MRTFB: variants seen among roughly 807,000 people sequenced by gnomAD.
MRTFB encodes myocardin related transcription factor B.
In MRTFB, 29 loss-of-function variants were observed where a neutral mutation model predicts 104.2. The ratio of observed to expected loss-of-function variants is 0.28; its 90% CI spans 0.21 to 0.38. The LOEUF is 0.38. MRTFB is among the 10% of genes least tolerant of loss of function. MRTFB has a pLI of 1.00. For synonymous variants in MRTFB, 535 were observed against 519.5 expected (o/e 1.03, Z -0.41); for missense variants, 1,270 against 1,341.6 (o/e 0.95, Z 0.83).
intron 2 of MRTFB, among the ~76,000 whole-genome samples, chr16:14,087,830 G>A (rs1354207579): frequency 6.6e-6 from 1 of 152,086 alleles, no homozygotes; most frequent in Non-Finnish European, 1.5e-5. Flanking sequence ...TGACACTTGG[G>A]AATTACAATC....
chr16:14,039,449 C>T, the MRTFB span, among the ~76,000 whole-genome samples: 8 of 152,118 alleles, frequency 5.3e-5, no homozygotes, highest in Non-Finnish European at 1.2e-4. Context: ...GAGGGAACAA[C>T]ACAAGGATAT....
chr16:14,144,331 G>C (rs1420609344), intron 3 of MRTFB: 5 of 152,114 alleles, frequency 3.3e-5, no homozygotes, highest in African/African-American at 4.8e-5. Context: ...ATAATTTCAG[G>C]CTTATGATAT....
chr16:14,145,098 A>C (rs2142683790), intron 3 of MRTFB, among the ~76,000 whole-genome samples: 1 of 151,226 alleles, frequency 6.6e-6, no homozygotes, highest in South Asian at 2.1e-4. Flanking sequence ...GAGTATGTTC[A>C]CATCAAGTAA....
chr16:14,213,519 TG>T (rs748489450), intron 5 of MRTFB, 25 bp from the exon 6 acceptor site: 1 of 1,496,102 alleles, frequency 6.7e-7, no homozygotes, highest in South Asian at 1.2e-5. Flanking sequence ...AAATGATTTA[TG>T]GTAAGACTTT....
At chr16:14,033,852 A>AAGAAG in the MRTFB span, among the ~76,000 whole-genome samples, 1 of 146,336 alleles carries the variant, frequency 6.8e-6, no homozygotes, top group African/African-American at 2.5e-5. Flanking sequence ...AAAAAAAAAA[A>AAGAAG]AAGAAGAAGA....
At chr16:14,181,862 A>G (rs757332090) in intron 3 of MRTFB, among the ~76,000 whole-genome samples, 2 of 152,174 alleles carry the variant, frequency 1.3e-5, no homozygotes, top group Non-Finnish European at 2.9e-5. Flanking sequence ...TCTCTAAGCC[A>G]TACAGTTTTT....
intron 3 of MRTFB, among the ~76,000 whole-genome samples, chr16:14,190,997 C>A (rs1304110736): frequency 5.3e-5 from 8 of 152,154 alleles, no homozygotes; most frequent in African/African-American, 1.9e-4. Context: ...TCTATAGTAG[C>A]TTTGAGAAGA....
At chr16:14,214,520 C>A (rs182574495) in intron 6 of MRTFB, among the ~76,000 whole-genome samples, 9 of 152,278 alleles carry the variant, frequency 5.9e-5, no homozygotes, top group Admixed American at 3.3e-4. Context: ...AAAGGTCTGA[C>A]ATGTCCAGAA....
chr16:14,028,391 G>A, the MRTFB span, among the ~76,000 whole-genome samples: 1 of 152,086 alleles, frequency 6.6e-6, no homozygotes, highest in African/African-American at 2.4e-5. Context: ...GAAAGGCTCG[G>A]GTTTCCTGCA....
At position 14,247,299 on chromosome 16, in the gene MRTFB, T is replaced by C. The variant is rs1375510621; in HGVS notation, c.2039T>C (p.Ile680Thr). The C allele has an allele frequency of 8.7e-6, 14 of 1,614,084 alleles. No homozygotes were observed. Among genetic ancestry groups the C allele is most frequent in the Middle Eastern group, 1.6e-4 (1 of 6,084 alleles). Residue 680 changes from isoleucine (I) to threonine (T), a missense_variant, in exon 12 of 17, where the codon ATC (isoleucine) becomes ACC (threonine). By Grantham distance (89) the Ile-to-Thr change is moderately conservative (BLOSUM62 -1). Transcript: ENST00000571589. Reference protein sequence around the residue: ...QTLVAKKAVVIKQEVPVGQAE... With the variant: ...QTLVAKKAVVTKQEVPVGQAE... ...CTTGTTGCCAAAAAGGCTGTAGTTA[T>C]CAAGCAAGAGGTCCCTGTGGGCCAG...
intron 1 of MRTFB, among the ~76,000 whole-genome samples, chr16:14,076,817 C>T (rs1211074225): frequency 6.6e-6 from 1 of 152,106 alleles, no homozygotes; most frequent in Non-Finnish European, 1.5e-5. Flanking sequence ...CCTTTGGATT[C>T]GTGTCAGTCT....
At chr16:14,253,901 A>G (rs1567223839) in intron 15 of MRTFB, among the ~76,000 whole-genome samples, 1 of 152,238 alleles carries the variant, frequency 6.6e-6, no homozygotes, top group Non-Finnish European at 1.5e-5. Context: ...GTGCTGGACT[A>G]CACTCCTCCC....
At chr16:14,214,798 G>A (rs1459075652) in intron 6 of MRTFB, 4 of 152,218 alleles carry the variant, frequency 2.6e-5, no homozygotes, top group African/African-American at 7.2e-5. Flanking sequence ...GCATCAAGGT[G>A]GTCTCTATGA....
the MRTFB span, among the ~76,000 whole-genome samples, chr16:14,002,667 T>C: frequency 6.6e-6 from 1 of 151,976 alleles, no homozygotes; most frequent in African/African-American, 2.4e-5. Flanking sequence ...TGAAGCTTCC[T>C]CTCTCTCCCC....
intron 2 of MRTFB, among the ~76,000 whole-genome samples, chr16:14,133,899 A>G (rs2037571115): frequency 6.6e-6 from 1 of 152,168 alleles, no homozygotes; most frequent in African/African-American, 2.4e-5. Context: ...AACTGAAAAG[A>G]CTTGGGTTTT....
chr16:14,002,516 CT>C, the MRTFB span, among the ~76,000 whole-genome samples: 1 of 152,156 alleles, frequency 6.6e-6, no homozygotes, highest in African/African-American at 2.4e-5. Context: ...CTAGGTGATT[CT>C]GCTGCGTTGA....
At chr16:14,236,928 A>G (rs1166107009) in intron 9 of MRTFB, among the ~76,000 whole-genome samples, 2 of 152,228 alleles carry the variant, frequency 1.3e-5, no homozygotes, top group Non-Finnish European at 2.9e-5. Flanking sequence ...TTTGAAGGCT[A>G]AGCTGCCAGG....
At chr16:14,207,996 ATTGGACACCCAG>A (rs1005294252) in intron 3 of MRTFB, among the ~76,000 whole-genome samples, 7 of 152,190 alleles carry the variant, frequency 4.6e-5, no homozygotes, top group African/African-American at 1.7e-4. Flanking sequence ...GAATTGAATC[ATTGGACACCCAG>A]TTGGGCATCC....
intron 2 of MRTFB, among the ~76,000 whole-genome samples, chr16:14,107,233 C>G (rs1017478377): frequency 6.6e-6 from 1 of 152,140 alleles, no homozygotes; most frequent in Non-Finnish European, 1.5e-5. Flanking sequence ...AAGACTCTGT[C>G]TCAAACAAAA....
Sources: gnomAD v4.1 joint callset for allele counts (sites outside exome capture counted in the v4.1 genomes callset) on GRCh38, gnomAD v4.1.1 for gene constraint, MANE v1.5 for transcripts, NCBI Gene and HGNC (gene_info 2026-07-23, HGNC 2026-07-21) for gene names.